DZIP3: variants seen among roughly 807,000 people sequenced by gnomAD.
The protein encoded by DZIP3 is DAZ interacting zinc finger protein 3.
DZIP3 carries 118 observed loss-of-function variants against 162.0 expected under a neutral mutation model. That is an observed-to-expected ratio of 0.73 (90% CI 0.63 to 0.85). DZIP3 has a LOEUF of 0.85. Among genes scored for constraint, DZIP3 ranks in the 40% least tolerant of loss-of-function variants. The pLI is 0.00. For synonymous variants in DZIP3, 438 were observed against 458.6 expected (o/e 0.96, Z 0.57); for missense variants, 1,331 against 1,407.0 (o/e 0.95, Z 0.86).
At chr3:108,631,526 G>A (rs996042076) in intron 8 of DZIP3, among the ~76,000 whole-genome samples, 3 of 148,346 alleles carry the variant, frequency 2.0e-5, no homozygotes, top group East Asian at 4.0e-4. Context: ...ACAGGCACAC[G>A]CCACTGCACT....
At chr3:108,652,899 G>A (rs1281795664) in intron 18 of DZIP3, among the ~76,000 whole-genome samples, 1 of 151,882 alleles carries the variant, frequency 6.6e-6, no homozygotes, top group Non-Finnish European at 1.5e-5. Flanking sequence ...ATACCATCTA[G>A]TTTTGTGTAG....
chr3:108,662,553 A>C (rs1429186379), intron 21 of DZIP3, among the ~76,000 whole-genome samples: 2 of 152,234 alleles, frequency 1.3e-5, no homozygotes, highest in Non-Finnish European at 2.9e-5. Context: ...ATTTGTAAAA[A>C]TGTGACCAAT....
At chr3:108,690,245 T>C (rs900478937) in intron 31 of DZIP3, among the ~76,000 whole-genome samples, 3 of 152,212 alleles carry the variant, frequency 2.0e-5, no homozygotes, top group African/African-American at 7.2e-5. Flanking sequence ...ATTATTTATA[T>C]ACGTAAAAAT....
intron 1 of DZIP3, chr3:108,603,124 A>G (rs1324771163): frequency 6.6e-6 from 1 of 152,144 alleles, no homozygotes; most frequent in African/African-American, 2.4e-5. Context: ...GCAAACAGCT[A>G]CTGGCCAAAG....
chr3:108,593,766 C>G (rs778430765), intron 1 of DZIP3, among the ~76,000 whole-genome samples: 17 of 151,296 alleles, frequency 1.1e-4, no homozygotes, highest in Non-Finnish European at 2.5e-4. Flanking sequence ...GCCTTGACCT[C>G]CCCGGGCTTA....
chr3:108,600,810 T>C (rs971853655), intron 1 of DZIP3, among the ~76,000 whole-genome samples: 1 of 152,114 alleles, frequency 6.6e-6, no homozygotes, highest in Admixed American at 6.5e-5. Flanking sequence ...TATGGATCCC[T>C]ATGTTTTAGA....
At chr3:108,641,661 T>C (rs1942406145) in intron 12 of DZIP3, among the ~76,000 whole-genome samples, 1 of 152,204 alleles carries the variant, frequency 6.6e-6, no homozygotes. Context: ...CCACCAACAG[T>C]ATGGGAGATA....
chr3:108,661,871 C>T lies in DZIP3; in HGVS notation c.2200-6C>T, dbSNP rs1256670960. On this transcript the variant is annotated splice_polypyrimidine_tract_variant and splice_region_variant and intron_variant, in intron 19 of 32. Coordinates refer to ENST00000361582, the MANE Select transcript of DZIP3 (RefSeq NM_014648.4). ...ATAATACATGCATATTTCCTGTGCT[C>T]AATAGGGCTCAGCTGGCAAAGTAAC... 4.3e-6 allele frequency: 7 copies of T among 1,611,162 alleles called. No individual in the cohort carries two copies. The East Asian group carries it at 6.7e-5, about 15-fold the overall frequency.
At chr3:108,622,691 G>A (rs1403029146) in intron 5 of DZIP3, among the ~76,000 whole-genome samples, 6 of 151,928 alleles carry the variant, frequency 3.9e-5, no homozygotes, top group Admixed American at 3.9e-4. Context: ...TCTGCATTAG[G>A]GGACACTCTA....
In DZIP3 at chr3:108,651,170, T is replaced by G; in HGVS notation, c.2033+8T>G. The G allele has an allele frequency of 1.4e-6, 1 of 721,930 alleles. No homozygotes were observed. Among genetic ancestry groups the G allele is most frequent in the Non-Finnish European group, 1.9e-6 (1 of 517,312 alleles). 44.7% of individuals were successfully genotyped at this position (721,930 alleles called of 1,614,324 possible). A position where few individuals can be genotyped will look rare whatever the true frequency, so the allele number is the denominator to read the frequency against. On this transcript the variant is annotated splice_region_variant and intron_variant, in intron 18 of 32. Transcript: ENST00000361582. ...CTCAAAAGAAGACCAAGTGTAAGTA[T>G]TAGTTTATTTAATTTTTAAATTTTT...
chr3:108,688,450 C>A, intron 29 of DZIP3, 143 bp from the exon 30 acceptor site: 1 of 903,476 alleles, frequency 1.1e-6, no homozygotes, highest in Non-Finnish European at 1.6e-6. Flanking sequence ...ATAAGTATTG[C>A]CACCATTTTG....
intron 24 of DZIP3, among the ~76,000 whole-genome samples, chr3:108,674,497 G>T (rs1944032872): frequency 6.6e-6 from 1 of 151,866 alleles, no homozygotes; most frequent in South Asian, 2.1e-4. Flanking sequence ...GCTGCTGAAA[G>T]ATTTTTTCCC....
At chr3:108,661,105 T>TA (rs1943407747) in intron 19 of DZIP3, among the ~76,000 whole-genome samples, 1 of 152,188 alleles carries the variant, frequency 6.6e-6, no homozygotes, top group Admixed American at 6.5e-5. Context: ...GAACTAGAGA[T>TA]ACCATTTGAC....
intron 1 of DZIP3, among the ~76,000 whole-genome samples, chr3:108,601,368 G>A (rs1940006580): frequency 6.6e-6 from 1 of 152,230 alleles, no homozygotes; most frequent in Non-Finnish European, 1.5e-5. Flanking sequence ...TCCCGTAACA[G>A]GGTTATCCAG....
intron 8 of DZIP3, among the ~76,000 whole-genome samples, chr3:108,631,055 A>ACACTCTCTCTCTCTCTCTCTCT: frequency 2.8e-4 from 5 of 18,012 alleles, no homozygotes; most frequent in Non-Finnish European, 1.8e-4. Flanking sequence ...ACACACACAC[A>ACACTCTCTCTCTCTCTCTCTCT]CTCTCTCTCT....
chr3:108,671,250 C>T (rs1021021524), intron 22 of DZIP3, among the ~76,000 whole-genome samples: 1 of 151,742 alleles, frequency 6.6e-6, no homozygotes, highest in African/African-American at 2.4e-5. Flanking sequence ...AAAAGTCTAG[C>T]CTTAATGATA....
chr3:108,607,956 C>A (rs548392039), intron 2 of DZIP3, 133 bp from the exon 3 acceptor site: 5 of 733,074 alleles, frequency 6.8e-6, no homozygotes, highest in Non-Finnish European at 7.0e-6. Context: ...ATGGCACCTA[C>A]CACCATTACC....
chr3:108,598,937 A>G (rs10470300), intron 1 of DZIP3, among the ~76,000 whole-genome samples: 2,898 of 152,306 alleles, frequency 0.019, 101 homozygotes, highest in African/African-American at 0.067. Context: ...TAACTTGTGC[A>G]TATTCATTGT....
chr3:108,655,105 A>G (rs565608510), intron 19 of DZIP3, among the ~76,000 whole-genome samples: 16 of 152,148 alleles, frequency 1.1e-4, no homozygotes, highest in Non-Finnish European at 2.2e-4. Flanking sequence ...TAAATATGGG[A>G]TCTCTGGTTT....
Sources: gnomAD v4.1 joint callset for allele counts (sites outside exome capture counted in the v4.1 genomes callset) on GRCh38, gnomAD v4.1.1 for gene constraint, MANE v1.5 for transcripts, NCBI Gene and HGNC (gene_info 2026-07-23, HGNC 2026-07-21) for gene names.